TTC29: variants seen among roughly 807,000 people sequenced by gnomAD.
The protein encoded by TTC29 is tetratricopeptide repeat protein 29.
A neutral mutation model predicts 58.1 loss-of-function variants in TTC29; 49 were observed. That is an observed-to-expected ratio of 0.84 (90% CI 0.67 to 1.07). The LOEUF is 1.07. Among genes scored for constraint, TTC29 ranks in the 50% least tolerant of loss-of-function variants. The probability of loss-of-function intolerance (pLI) is 0.00; values close to 1 mark genes in which losing one functional copy is unlikely to be tolerated. For missense variants in TTC29, 582 were observed against 555.6 expected (o/e 1.05, Z -0.48); for synonymous variants, 209 against 196.8 (o/e 1.06, Z -0.52).
At chr4:146,859,573 G>A (rs958027903) in intron 8 of TTC29, among the ~76,000 whole-genome samples, 2 of 151,822 alleles carry the variant, frequency 1.3e-5, no homozygotes, top group Admixed American at 6.6e-5. Flanking sequence ...GTTCTATTAC[G>A]CACATAACAG....
At chr4:146,832,448 T>A (rs1233485925) in intron 9 of TTC29, among the ~76,000 whole-genome samples, 1 of 152,138 alleles carries the variant, frequency 6.6e-6, no homozygotes, top group East Asian at 1.9e-4. Context: ...CATGACTGGC[T>A]CTGTCTTTCT....
At chr4:146,917,050 G>A (rs1734269074) in intron 4 of TTC29, among the ~76,000 whole-genome samples, 1 of 150,570 alleles carries the variant, frequency 6.6e-6, no homozygotes, top group Admixed American at 6.6e-5. Flanking sequence ...AAATTATGAT[G>A]GATTCTCTAA....
At chr4:146,708,884 C>A (rs1742269573) in intron 11 of TTC29, among the ~76,000 whole-genome samples, 1 of 152,012 alleles carries the variant, frequency 6.6e-6, no homozygotes. Context: ...GCCCAGAAAC[C>A]CATTTTTGTT....
At chr4:146,769,148 C>T (rs1449820955) in intron 11 of TTC29, among the ~76,000 whole-genome samples, 1 of 151,982 alleles carries the variant, frequency 6.6e-6, no homozygotes, top group Non-Finnish European at 1.5e-5. Flanking sequence ...TTAAAAACTA[C>T]ATATTGCCCT....
chr4:146,769,014 C>T (rs1747525695), intron 11 of TTC29, among the ~76,000 whole-genome samples: 1 of 151,996 alleles, frequency 6.6e-6, no homozygotes. Flanking sequence ...ACTGAAATTA[C>T]TATATCAATC....
chr4:146,776,205 C>G (rs577005267), intron 11 of TTC29, among the ~76,000 whole-genome samples: 20 of 152,202 alleles, frequency 1.3e-4, no homozygotes, highest in African/African-American at 4.1e-4. Flanking sequence ...CATTGTAGTC[C>G]TTAGATTCCT....
rs530455403 is a variant in TTC29 at position 146,816,975 on chromosome 4, C to T, written c.1101+3150G>A. Among the ~76,000 whole-genome samples, 16 of 152,158 alleles carry T rather than the reference C, an allele frequency of 1.1e-4. No individual in the cohort carries two copies. In the East Asian group the frequency reaches 2.3e-3, roughly 22 times the overall value. On this transcript the variant is annotated intron_variant, in intron 10 of 12. Coordinates refer to ENST00000325106, the MANE Select transcript of TTC29 (RefSeq NM_031956.4). ...TCTGGCAAAGGGGAATTGTTTGATA[C>T]CACTAAGGGTGTAGAGAAAAACAGA...
intron 11 of TTC29, among the ~76,000 whole-genome samples, chr4:146,773,036 A>G (rs1403318083): frequency 6.6e-6 from 1 of 152,150 alleles, no homozygotes. Context: ...TTGTGGGAGT[A>G]TAGAAATGCT....
At chr4:146,945,675 G>A (rs974704001) in intron 1 of TTC29, 34 bp downstream of exon 1, 1 of 152,502 alleles carries the variant, frequency 6.6e-6, no homozygotes, top group African/African-American at 2.4e-5. Flanking sequence ...AGCTGAGGAA[G>A]TCCGGTCCCA....
chr4:146,771,628 T>C (rs962669168), intron 11 of TTC29, among the ~76,000 whole-genome samples: 1 of 152,168 alleles, frequency 6.6e-6, no homozygotes, highest in African/African-American at 2.4e-5. Context: ...TCATGGTGTA[T>C]ACATAACACA....
intron 11 of TTC29, among the ~76,000 whole-genome samples, chr4:146,766,397 A>G (rs555302369): frequency 1.3e-5 from 2 of 152,132 alleles, no homozygotes; most frequent in African/African-American, 2.4e-5. Flanking sequence ...TTCTACACCA[A>G]TTGGTACTCT....
chr4:146,752,951 G>T (rs886713210), intron 11 of TTC29, among the ~76,000 whole-genome samples: 14 of 152,130 alleles, frequency 9.2e-5, no homozygotes, highest in Non-Finnish European at 1.8e-4. Context: ...AAAAACCCTA[G>T]AAGAAAACCT....
At chr4:146,937,969 T>C (rs1017248226) in intron 3 of TTC29, among the ~76,000 whole-genome samples, 32 of 152,116 alleles carry the variant, frequency 2.1e-4, no homozygotes, top group Non-Finnish European at 5.9e-5. Flanking sequence ...AGACCTTCTA[T>C]TTTGCTCACA....
Position 146,739,346 on chromosome 4 carries a change from C to T in TTC29, c.1331-31795G>A, listed in dbSNP as rs78375917. Among the ~76,000 whole-genome samples the T allele has an allele frequency of 4.7e-3, 723 of 152,282 alleles. 9 individuals are homozygous for T. The highest frequency in any genetic ancestry group is 0.017 in the African/African-American group (687 of 41,554). ...TGTTCAAATACCCCCTTCACCCTGA[C>T]GTCATTCCTTATGCTTCCAACTGTA... is the stretch of plus-strand genomic sequence containing the variant. On this transcript the variant is annotated intron_variant, in intron 11 of 12. Coordinates refer to ENST00000325106, the MANE Select transcript of TTC29 (RefSeq NM_031956.4).
At chr4:146,735,770 T>A (rs1744670016) in intron 11 of TTC29, among the ~76,000 whole-genome samples, 2 of 152,188 alleles carry the variant, frequency 1.3e-5, no homozygotes, top group Admixed American at 1.3e-4. Context: ...CAATGTGATG[T>A]TACTCTTGTA....
chr4:146,906,611 A>G (rs1236246210), intron 5 of TTC29, among the ~76,000 whole-genome samples: 2 of 152,256 alleles, frequency 1.3e-5, no homozygotes, highest in African/African-American at 4.8e-5. Flanking sequence ...TCCCTAATTC[A>G]AACCACAATT....
At chr4:146,893,319 G>A (rs1732514243) in intron 6 of TTC29, among the ~76,000 whole-genome samples, 1 of 152,118 alleles carries the variant, frequency 6.6e-6, no homozygotes, top group Non-Finnish European at 1.5e-5. Flanking sequence ...CATGGTACTG[G>A]TACCAAAACA....
At chr4:146,888,469 T>A (rs1732138387) in intron 6 of TTC29, among the ~76,000 whole-genome samples, 1 of 152,152 alleles carries the variant, frequency 6.6e-6, no homozygotes, top group Admixed American at 6.6e-5. Flanking sequence ...ACATGGGGAT[T>A]CACTGAAATT....
chr4:146,927,077 T>A (rs1189650418), intron 4 of TTC29, among the ~76,000 whole-genome samples: 41 of 67,974 alleles, frequency 6.0e-4, no homozygotes, highest in African/African-American at 2.1e-3. Flanking sequence ...CAAGACCCCA[T>A]CTCAAAAAAA....
Sources: allele counts gnomAD v4.1 joint callset (sites outside exome capture counted in the v4.1 genomes callset), GRCh38; gene constraint gnomAD v4.1.1; transcripts MANE v1.5; gene names NCBI Gene and HGNC (gene_info 2026-07-23, HGNC 2026-07-21).